FAT3: variants seen among roughly 807,000 people sequenced by gnomAD.
FAT3 encodes the protein FAT atypical cadherin 3, also known as protocadherin Fat 3.
A neutral mutation model predicts 310.2 loss-of-function variants in FAT3; 95 were observed. The observed-to-expected ratio is 0.31, with a 90% CI of 0.26 to 0.36. The LOEUF (loss-of-function observed/expected upper bound fraction) is 0.36. Ranked by LOEUF, FAT3 falls within the 10% of genes least tolerant of loss-of-function variation. The pLI, the probability that FAT3 is intolerant of heterozygous loss-of-function variation, is 1.00. For missense variants in FAT3, 5,408 were observed against 5,715.6 expected, an observed-to-expected ratio of 0.95 and a Z score of 1.74; for synonymous variants, 2,314 against 2,192.9, an observed-to-expected ratio of 1.06 and a Z score of -1.54.
chr11:92,629,611 A>G (rs763840307), intron 3 of FAT3, among the ~76,000 whole-genome samples: 14 of 151,712 alleles, frequency 9.2e-5, no homozygotes, highest in Non-Finnish European at 1.6e-4. Flanking sequence ...GATTCTCACT[A>G]TGTTGCCCAG....
At chr11:92,513,258 G>A (rs188246975) in intron 2 of FAT3, among the ~76,000 whole-genome samples, 260 of 152,264 alleles carry the variant, frequency 1.7e-3, no homozygotes, top group African/African-American at 5.9e-3. Context: ...AGTGAGTGGA[G>A]TGACCCTGGT....
intron 10 of FAT3, among the ~76,000 whole-genome samples, chr11:92,804,826 G>T (rs909458088): frequency 6.6e-6 from 1 of 152,220 alleles, no homozygotes; most frequent in Non-Finnish European, 1.5e-5. Context: ...GTGGAAAGAC[G>T]ATTGTGTCAG....
At chr11:92,795,221 T>C (rs1415713210) in intron 9 of FAT3, among the ~76,000 whole-genome samples, 1 of 151,978 alleles carries the variant, frequency 6.6e-6, no homozygotes, top group East Asian at 1.9e-4. Context: ...TGAGTTCGGG[T>C]GAGGGCATAT....
intron 2 of FAT3, among the ~76,000 whole-genome samples, chr11:92,437,757 G>A (rs559921260): frequency 7.2e-5 from 11 of 152,246 alleles, no homozygotes; most frequent in South Asian, 2.1e-4. Flanking sequence ...TGCATGAATC[G>A]AAGTAGTAAG....
At chr11:92,685,843 G>A (rs1943621006) in intron 3 of FAT3, among the ~76,000 whole-genome samples, 1 of 152,128 alleles carries the variant, frequency 6.6e-6, no homozygotes, top group African/African-American at 2.4e-5. Context: ...TGTTTATGAA[G>A]TCCCCTGCTA....
intron 2 of FAT3, among the ~76,000 whole-genome samples, chr11:92,358,168 C>T (rs897426138): frequency 2.9e-4 from 44 of 151,976 alleles, no homozygotes; most frequent in African/African-American, 7.7e-4. Flanking sequence ...CAGAGTGACA[C>T]GCTGTCTTAA....
At chr11:92,492,767 C>T (rs1952646768) in intron 2 of FAT3, among the ~76,000 whole-genome samples, 1 of 152,020 alleles carries the variant, frequency 6.6e-6, no homozygotes, top group African/African-American at 2.4e-5. Flanking sequence ...TATTTAACTT[C>T]TCTGAGCATC....
In FAT3 at chr11:92,512,904, C is replaced by T. The variant is rs1173398399; in HGVS notation, c.3293-11730C>T. 2.2e-5 allele frequency among the ~76,000 whole-genome samples: 2 copies of T among 89,048 alleles called. 1 individual carries two copies. Among genetic ancestry groups the T allele is most frequent in the Non-Finnish European group, 4.4e-5 (2 of 45,164 alleles). The allele number at this position is 89,048 out of a possible 152,430, so 58.4% of individuals were successfully genotyped here. A position where few individuals can be genotyped will look rare whatever the true frequency, so the allele number is the denominator to read the frequency against. On this transcript the variant is annotated intron_variant, in intron 2 of 27. Transcript: ENST00000525166. ...TTGGGAGGCCGAGGCGGGCGGATCA[C>T]GAGGTCAGGAGATCGAGACCATCCT...
At chr11:92,558,842 A>T (rs150323693) in intron 3 of FAT3, among the ~76,000 whole-genome samples, 289 of 152,196 alleles carry the variant, frequency 1.9e-3, no homozygotes, top group African/African-American at 6.7e-3. Flanking sequence ...GCCCCATTCA[A>T]TGTGGGTCAA....
chr11:92,405,385 G>A (rs531861735), intron 2 of FAT3, among the ~76,000 whole-genome samples: 211 of 152,284 alleles, frequency 1.4e-3, no homozygotes, highest in African/African-American at 4.5e-3. Flanking sequence ...CTCCAAAGAG[G>A]TTTATTATTC....
chr11:92,854,172 G>A (rs1237346098), intron 19 of FAT3, among the ~76,000 whole-genome samples: 1 of 152,208 alleles, frequency 6.6e-6, no homozygotes, highest in African/African-American at 2.4e-5. Context: ...CTGAATGCAT[G>A]CATATCCATC....
At chr11:92,535,165 G>A (rs574256191) in intron 3 of FAT3, among the ~76,000 whole-genome samples, 5 of 152,096 alleles carry the variant, frequency 3.3e-5, no homozygotes, top group Admixed American at 1.3e-4. Flanking sequence ...GTATGCCAAG[G>A]TGCTGTACTT....
chr11:92,391,228 A>G (rs1949741956), intron 2 of FAT3, among the ~76,000 whole-genome samples: 1 of 152,164 alleles, frequency 6.6e-6, no homozygotes, highest in African/African-American at 2.4e-5. Flanking sequence ...GATGTTTGAT[A>G]ATGCCAGAGC....
intron 3 of FAT3, among the ~76,000 whole-genome samples, chr11:92,580,628 C>G (rs540138): frequency 0.77 from 117,254 of 152,034 alleles, 46,683 homozygotes; most frequent in Non-Finnish European, 0.88. Context: ...TCTCTGCAAA[C>G]CCTAGTTATC....
At chr11:92,313,467 T>C (rs1419579591) in intron 1 of FAT3, among the ~76,000 whole-genome samples, 3 of 152,276 alleles carry the variant, frequency 2.0e-5, no homozygotes, top group African/African-American at 7.2e-5. Flanking sequence ...CATATAAAAC[T>C]GTGCTACCAT....
intron 13 of FAT3, among the ~76,000 whole-genome samples, chr11:92,830,597 C>T (rs1271601100): frequency 6.6e-6 from 1 of 152,128 alleles, no homozygotes; most frequent in Non-Finnish European, 1.5e-5. Flanking sequence ...GCCCTCTCCT[C>T]TGAACTGCAG....
intron 1 of FAT3, among the ~76,000 whole-genome samples, chr11:92,242,653 A>T (rs1425354400): frequency 6.6e-6 from 1 of 151,976 alleles, no homozygotes; most frequent in African/African-American, 2.4e-5. Flanking sequence ...AGAAAGAAAA[A>T]TTGATATTGC....
intron 7 of FAT3, among the ~76,000 whole-genome samples, chr11:92,780,610 AC>A (rs1946721588): frequency 6.6e-6 from 1 of 152,176 alleles, no homozygotes; most frequent in Non-Finnish European, 1.5e-5. Context: ...TGTTCTCTTA[AC>A]CACTACACAA....
At chr11:92,576,729 C>T (rs1938503419) in intron 3 of FAT3, among the ~76,000 whole-genome samples, 2 of 152,034 alleles carry the variant, frequency 1.3e-5, no homozygotes, top group Non-Finnish European at 2.9e-5. Context: ...CCTTGCTGCA[C>T]ATGGTAGAAA....
Sources: gnomAD v4.1 joint callset for allele counts (sites outside exome capture counted in the v4.1 genomes callset) on GRCh38, gnomAD v4.1.1 for gene constraint, MANE v1.5 for transcripts, NCBI Gene and HGNC (gene_info 2026-07-23, HGNC 2026-07-21) for gene names.